Variants in ANGPT1 observed in about 807,000 individuals in gnomAD.
ANGPT1 encodes angiopoietin-1.
A neutral mutation model predicts 62.2 loss-of-function variants in ANGPT1; 17 were observed. The observed-to-expected ratio is 0.27, with a 90% CI of 0.19 to 0.41. The LOEUF is 0.41. Among genes scored for constraint, ANGPT1 ranks in the 10% least tolerant of loss-of-function variants. The pLI, the probability that ANGPT1 is intolerant of heterozygous loss-of-function variation, is 1.00. For missense variants in ANGPT1, 478 were observed against 594.9 expected, an observed-to-expected ratio of 0.80 and a Z score of 2.04; for synonymous variants, 199 against 198.9, an observed-to-expected ratio of 1.00 and a Z score of 0.00.
intron 4 of ANGPT1, among the ~76,000 whole-genome samples, chr8:107,314,666 T>A (rs1814971855): frequency 6.6e-6 from 1 of 152,184 alleles, no homozygotes; most frequent in Non-Finnish European, 1.5e-5. Context: ...TCTGTCAAGA[T>A]AAAGCATTTC....
intron 2 of ANGPT1, among the ~76,000 whole-genome samples, chr8:107,340,865 A>AT (rs962722401): frequency 9.3e-4 from 140 of 151,108 alleles, no homozygotes; most frequent in African/African-American, 3.2e-3. Flanking sequence ...CTTTTGCTTT[A>AT]TTTTTTTTTC....
At chr8:107,493,242 G>A (rs1234300584) in intron 1 of ANGPT1, among the ~76,000 whole-genome samples, 3 of 150,374 alleles carry the variant, frequency 2.0e-5, no homozygotes, top group Non-Finnish European at 4.4e-5. Flanking sequence ...GGGAAAACAA[G>A]CCTAGAAACA....
intron 3 of ANGPT1, among the ~76,000 whole-genome samples, chr8:107,327,079 A>G (rs752003710): frequency 6.6e-6 from 1 of 152,086 alleles, no homozygotes; most frequent in Non-Finnish European, 1.5e-5. Context: ...ATCCTTCACA[A>G]TATTTGAACC....
At chr8:107,490,591 C>T (rs1812931085) in intron 1 of ANGPT1, among the ~76,000 whole-genome samples, 1 of 152,180 alleles carries the variant, frequency 6.6e-6, no homozygotes, top group East Asian at 1.9e-4. Flanking sequence ...CTTTTTCCCA[C>T]ACAACAAACC....
At chr8:107,486,919 A>G (rs1011294345) in intron 1 of ANGPT1, among the ~76,000 whole-genome samples, 1 of 152,182 alleles carries the variant, frequency 6.6e-6, no homozygotes, top group Non-Finnish European at 1.5e-5. Flanking sequence ...AGTACCTTGC[A>G]GACCACCTTG....
chr8:107,299,717 T>G (rs1305841650), intron 5 of ANGPT1, among the ~76,000 whole-genome samples: 2 of 130,840 alleles, frequency 1.5e-5, no homozygotes, highest in Non-Finnish European at 3.2e-5. Flanking sequence ...ATATATACTA[T>G]ATATATAGTT....
intron 7 of ANGPT1, among the ~76,000 whole-genome samples, chr8:107,271,738 G>A (rs1213561988): frequency 6.6e-6 from 1 of 151,900 alleles, no homozygotes; most frequent in African/African-American, 2.4e-5. Flanking sequence ...TTTGACTCTA[G>A]ATGGTCTGAA....
intron 3 of ANGPT1, among the ~76,000 whole-genome samples, chr8:107,324,187 GTA>G (rs1815227701): frequency 9.4e-6 from 1 of 105,962 alleles, no homozygotes; most frequent in South Asian, 3.3e-4. Flanking sequence ...GTGTGTGTGT[GTA>G]TATATGTATA....
intron 1 of ANGPT1, among the ~76,000 whole-genome samples, chr8:107,430,393 G>A (rs532115263): frequency 1.3e-5 from 2 of 152,218 alleles, no homozygotes; most frequent in East Asian, 3.9e-4. Flanking sequence ...ATCACTTTTG[G>A]TTCACATGGC....
chr8:107,487,371 T>C (rs1270480029), intron 1 of ANGPT1, among the ~76,000 whole-genome samples: 7 of 152,108 alleles, frequency 4.6e-5, no homozygotes, highest in African/African-American at 1.7e-4. Flanking sequence ...CAGAAGTCTC[T>C]AACGTGCAGA....
chr8:107,327,699 C>T (rs1815322264), intron 3 of ANGPT1, among the ~76,000 whole-genome samples: 1 of 152,104 alleles, frequency 6.6e-6, no homozygotes, highest in South Asian at 2.1e-4. Context: ...GAGTTTCTCA[C>T]AGGAGTCTTA....
At chr8:107,366,708 T>A (rs1816280910) in intron 1 of ANGPT1, among the ~76,000 whole-genome samples, 1 of 152,214 alleles carries the variant, frequency 6.6e-6, no homozygotes, top group Non-Finnish European at 1.5e-5. Flanking sequence ...GCTTCTAAGA[T>A]GGTCCAGCGA....
Position 107,276,551 on chromosome 8 carries a change from G to A in ANGPT1, c.1205+8131C>T, listed in dbSNP as rs113780076. Among the ~76,000 whole-genome samples, 1,369 of 152,060 alleles carry A rather than the reference G, an allele frequency of 9.0e-3. 13 individuals are homozygous for A. Among genetic ancestry groups the A allele is most frequent in the African/African-American group, 0.028 (1,142 of 41,508 alleles). On this transcript the variant is annotated intron_variant, in intron 7 of 8. Coordinates refer to ENST00000517746, the MANE Select transcript of ANGPT1 (RefSeq NM_001146.5). ...GGGCTTAAATTTACATGGGAGGCTCGAGAGAATTCTTTTCAATCCACATGA... is the reference window on the plus strand; with the variant it reads ...GGGCTTAAATTTACATGGGAGGCTCAAGAGAATTCTTTTCAATCCACATGA...
intron 1 of ANGPT1, among the ~76,000 whole-genome samples, chr8:107,375,068 G>A (rs1230444926): frequency 6.6e-6 from 1 of 152,108 alleles, no homozygotes; most frequent in Admixed American, 6.5e-5. Flanking sequence ...GCTGAGGCAG[G>A]AGATTCGCTT....
intron 8 of ANGPT1, among the ~76,000 whole-genome samples, chr8:107,263,589 C>T (rs1813547640): frequency 6.6e-6 from 1 of 151,804 alleles, no homozygotes; most frequent in Non-Finnish European, 1.5e-5. Context: ...GAAATGAGAG[C>T]ACCAAATTGA....
intron 3 of ANGPT1, among the ~76,000 whole-genome samples, chr8:107,335,695 T>C (rs1220092138): frequency 6.6e-6 from 1 of 152,198 alleles, no homozygotes; most frequent in African/African-American, 2.4e-5. Context: ...ATATACATTT[T>C]CCTTCTCTCT....
chr8:107,372,753 A>G (rs1816441657), intron 1 of ANGPT1, among the ~76,000 whole-genome samples: 1 of 151,736 alleles, frequency 6.6e-6, no homozygotes, highest in African/African-American at 2.4e-5. Flanking sequence ...ACAACAAAAG[A>G]TACTTTCCTC....
intron 1 of ANGPT1, among the ~76,000 whole-genome samples, chr8:107,470,582 G>T (rs1396584538): frequency 6.6e-6 from 1 of 152,072 alleles, no homozygotes; most frequent in Non-Finnish European, 1.5e-5. Flanking sequence ...TCAGTAGGTT[G>T]CCTGTTCACT....
chr8:107,331,595 A>G lies in ANGPT1; in HGVS notation c.575+4555T>C, dbSNP rs1444135325. On this transcript the variant is annotated intron_variant, in intron 3 of 8. Transcript: ENST00000517746. ...TATCCTTAGCTGTTTGGTCATAAGC[A>G]ACTTACTTGATTTCTGTGAGCCTCA... Among the ~76,000 whole-genome samples the G allele has an allele frequency of 2.0e-5, 3 of 152,194 alleles. No homozygotes were observed. In the East Asian group the frequency reaches 5.8e-4, roughly 29 times the overall value.
Sources: gnomAD v4.1 joint callset for allele counts (sites outside exome capture counted in the v4.1 genomes callset) on GRCh38, gnomAD v4.1.1 for gene constraint, MANE v1.5 for transcripts, NCBI Gene and HGNC (gene_info 2026-07-23, HGNC 2026-07-21) for gene names.